The following CLPTM1L variants were observed in gnomAD, a reference collection of about 807,000 sequenced individuals.
CLPTM1L encodes the protein lipid scramblase CLPTM1L.
Under a neutral mutation model 70.9 loss-of-function variants are expected in CLPTM1L, and 38 were observed. The observed-to-expected ratio is 0.54, with a 90% CI of 0.41 to 0.70. CLPTM1L has a LOEUF of 0.70. Among genes scored for constraint, CLPTM1L ranks in the 30% least tolerant of loss-of-function variants. The pLI is 0.00. For synonymous variants in CLPTM1L, 339 were observed against 299.9 expected (o/e 1.13, Z -1.35); for missense variants, 652 against 705.9 (o/e 0.92, Z 0.87).
intron 15 of CLPTM1L, 112 bp downstream of exon 15, chr5:1,321,523 G>C: frequency 1.1e-6 from 1 of 928,636 alleles, no homozygotes; most frequent in Non-Finnish European, 1.8e-6. Flanking sequence ...GAAAGGGACA[G>C]GTGCAGATGC....
intron 13 of CLPTM1L, 131 bp from the exon 14 acceptor site, chr5:1,321,950 C>T: frequency 1.2e-6 from 1 of 802,870 alleles, no homozygotes; most frequent in Non-Finnish European, 2.1e-6. Context: ...ACAAGGTCTG[C>T]TATCCAGACA....
chr5:1,325,143 C>G (rs1222627468), intron 10 of CLPTM1L: 2 of 403,252 alleles, frequency 5.0e-6, no homozygotes, highest in Non-Finnish European at 9.0e-6. Flanking sequence ...TGCTCCGAAC[C>G]AGCCGGCCGG....
chr5:1,332,566 C>A (rs1162552595), intron 7 of CLPTM1L, among the ~76,000 whole-genome samples: 1 of 152,244 alleles, frequency 6.6e-6, no homozygotes, highest in Non-Finnish European at 1.5e-5. Context: ...CTAACAGCCA[C>A]AAGGATGGCT....
At position 1,341,681 on chromosome 5, in the gene CLPTM1L, G is replaced by A; in HGVS notation, c.443C>T (p.Ser148Phe). Residue 148 changes from serine to phenylalanine, a missense_variant, in exon 3 of 17, where the codon TCT becomes TTT. Coordinates refer to ENST00000320895, the MANE Select transcript of CLPTM1L (RefSeq NM_030782.5). ...PEEINLLTGE[S>F]DTQQIEAEKK... ...CATGAAGACCCTCACCTGTGTATCA[G>A]ACTCCCCGGTGAGCAGGTTGATTTC... The A allele has an allele frequency of 6.2e-7, 1 of 1,607,584 alleles. No homozygotes were observed. The highest frequency in any genetic ancestry group is 8.5e-7 in the Non-Finnish European group (1 of 1,174,740).
intron 7 of CLPTM1L, among the ~76,000 whole-genome samples, chr5:1,333,469 G>T (rs978898932): frequency 2.7e-5 from 3 of 113,078 alleles, no homozygotes; most frequent in Non-Finnish European, 5.2e-5. Flanking sequence ...GAGGATAAGG[G>T]GGGACTATTG....
rs1030907068 is a variant in CLPTM1L at position 1,318,562 on chromosome 5, C to A, written c.1533-109G>T. 2 of 858,024 alleles carry A rather than the reference C, an allele frequency of 2.3e-6. No individual in the cohort carries two copies. The highest frequency in any genetic ancestry group is 3.8e-6 in the Non-Finnish European group (2 of 531,682). The allele number at this position is 858,024 out of a possible 1,614,324, so 53.2% of individuals were successfully genotyped here. ...TTTTCCAGTGAGCTGCCACAGTGAG[C>A]AAATTAACTAAAAAGTCGAATCCTC... On this transcript the variant is annotated intron_variant, in intron 16 of 16. Transcript: ENST00000320895. The surrounding 1 kb of genome is among the most constrained non-coding windows in gnomAD (Gnocchi z 8.9).
intron 15 of CLPTM1L, 79 bp from the exon 16 acceptor site, chr5:1,320,810 C>A (rs2126717636): frequency 1.3e-6 from 1 of 759,200 alleles, no homozygotes; most frequent in Non-Finnish European, 2.1e-6. Context: ...CTAACCAAGC[C>A]AACGGCTTTT....
At chr5:1,333,833 C>G (rs1433839473) in intron 7 of CLPTM1L, among the ~76,000 whole-genome samples, 2 of 151,784 alleles carry the variant, frequency 1.3e-5, no homozygotes, top group Non-Finnish European at 2.9e-5. Flanking sequence ...ACACACAGGA[C>G]TGACTTTTTA....
chr5:1,334,140 G>A (rs909779638), intron 7 of CLPTM1L, 149 bp downstream of exon 7: 35 of 570,464 alleles, frequency 6.1e-5, no homozygotes, highest in Non-Finnish European at 9.6e-5. Flanking sequence ...GGTGTCAGGC[G>A]TGCTGGCTGC....
chr5:1,342,686 C>T lies in CLPTM1L; in HGVS notation c.264-826G>A, dbSNP rs1754024463. ...CACTGCATCCTCAACCTCCTGAGCT[C>T]AAGTGACCTCCCGCCTCAGTCTCCC... On this transcript the variant is annotated intron_variant, in intron 2 of 16. Transcript: ENST00000320895. The surrounding 1 kb of genome is among the most constrained non-coding windows in gnomAD (Gnocchi z 4.3). 6.6e-6 allele frequency among the ~76,000 whole-genome samples: 1 copy of T among 152,238 alleles called. No homozygotes were observed. Among genetic ancestry groups the T allele is most frequent in the South Asian group, 2.1e-4 (1 of 4,832 alleles).
chr5:1,334,274 C>T lies in CLPTM1L; in HGVS notation c.891+15G>A, dbSNP rs757758054. On this transcript the variant is annotated intron_variant, in intron 7 of 16. Coordinates refer to ENST00000320895, the MANE Select transcript of CLPTM1L (RefSeq NM_030782.5). The stretch of plus-strand genomic sequence containing the variant: ...CCCCAAGTGCCTGCGGCAAGCCCCC[C>T]GGTGGATGACTCACATGGAACGCTG... 59 of 1,606,874 alleles carry T rather than the reference C, an allele frequency of 3.7e-5. No individual in the cohort carries two copies. Among genetic ancestry groups the T allele is most frequent in the Middle Eastern group, 1.7e-4 (1 of 6,060 alleles).
intron 9 of CLPTM1L, among the ~76,000 whole-genome samples, chr5:1,328,438 T>C (rs1170846492): frequency 1.3e-5 from 2 of 148,206 alleles, no homozygotes; most frequent in African/African-American, 5.1e-5. Context: ...GCTCCTCCTC[T>C]ACAGACACAT....
rs368426869 is a variant in CLPTM1L, at chr5:1,333,222, C to CGGATGA, written c.891+1066_891+1067insTCATCC. Among the ~76,000 whole-genome samples the CGGATGA allele has an allele frequency of 5.5e-4, 10 of 18,152 alleles. 2 individuals are homozygous for CGGATGA. Among genetic ancestry groups the CGGATGA allele is most frequent in the Admixed American group, 1.4e-3 (2 of 1,468 alleles). The allele number at this position is 18,152 out of a possible 152,430, so 11.9% of individuals were successfully genotyped here. ...TAAGGGGGGACTACTGTAGACACAC[C>CGGATGA]GGATAAGGGGGGACTACTGTATACA... On this transcript the variant is annotated intron_variant, in intron 7 of 16. Coordinates refer to ENST00000320895, the MANE Select transcript of CLPTM1L (RefSeq NM_030782.5).
chr5:1,321,624 G>A lies in CLPTM1L; in HGVS notation c.1416+11C>T, dbSNP rs373064323. 6 of 1,613,046 alleles carry A rather than the reference G, an allele frequency of 3.7e-6. No homozygotes were observed. The East Asian group carries it at 1.1e-4, about 30-fold the overall frequency. ...AGTGAGAAGGGATTCCTCACCGGCT[G>A]TCACACTCACCTTGTAGGTGAAGGC... On this transcript the variant is annotated intron_variant, in intron 15 of 16. Coordinates refer to ENST00000320895, the MANE Select transcript of CLPTM1L (RefSeq NM_030782.5).
chr5:1,326,609 T>G (rs1362902778), intron 9 of CLPTM1L, among the ~76,000 whole-genome samples: 11 of 150,840 alleles, frequency 7.3e-5, no homozygotes, highest in East Asian at 6.0e-4. Flanking sequence ...GCTCCTCCTC[T>G]ACAGACACAT....
chr5:1,328,784 TCTACAGACACATTTCATCCAGCTCCTG>T (rs1752840935), intron 9 of CLPTM1L, among the ~76,000 whole-genome samples: 3 of 150,890 alleles, frequency 2.0e-5, no homozygotes, highest in Non-Finnish European at 4.4e-5. Flanking sequence ...CAGATCCTCC[TCTACAGACACATTTCATCCAGCTCCTG>T]CTCTACAGAC....
In CLPTM1L at chr5:1,344,723, G is replaced by T; in HGVS notation, c.119C>A (p.Ala40Asp). Residue 40 changes from alanine to aspartate, a missense_variant, in exon 1 of 17, where the codon GCC becomes GAC. Transcript: ENST00000320895. ...IVYTRPCSGD[A>D]NCIQPYLARR... ...CGCCAGGTAGGGCTGGATGCAGTTG[G>T]CGTCGCCGGAGCACGGGCGGGTGTA... 1 of 1,594,150 alleles carries T rather than the reference G, an allele frequency of 6.3e-7. No homozygotes were observed. Among genetic ancestry groups the T allele is most frequent in the Non-Finnish European group, 8.5e-7 (1 of 1,171,898 alleles).
rs745497515 is a variant in CLPTM1L at position 1,323,777 on chromosome 5, G to A, written c.1280+10C>T. On this transcript the variant is annotated intron_variant, in intron 12 of 16. Coordinates refer to ENST00000320895, the MANE Select transcript of CLPTM1L (RefSeq NM_030782.5). The stretch of plus-strand genomic sequence containing the variant: ...AAGACGCAGCAGGGGAAGCGTGTGC[G>A]GCCTCCTACCTCTTATATTTGATAT... 14 of 1,605,874 alleles carry A rather than the reference G, an allele frequency of 8.7e-6. No homozygotes were observed. The highest frequency in any genetic ancestry group is 1.7e-5 in the Admixed American group (1 of 59,990).
chr5:1,329,435 A>G (rs1438922632), intron 9 of CLPTM1L, among the ~76,000 whole-genome samples: 2 of 151,956 alleles, frequency 1.3e-5, no homozygotes, highest in Middle Eastern at 3.2e-3. Context: ...CTTGGTGGAC[A>G]GGGCCTCAGG....
Sources: allele counts gnomAD v4.1 joint callset (sites outside exome capture counted in the v4.1 genomes callset), GRCh38; gene constraint gnomAD v4.1.1; non-coding constraint Gnocchi (gnomAD v3.1); transcripts MANE v1.5; gene names NCBI Gene and HGNC (gene_info 2026-07-23, HGNC 2026-07-21).